The following CWC27 variants were observed in gnomAD, a reference collection of about 807,000 sequenced individuals.
CWC27 encodes spliceosome-associated protein CWC27 homolog.
In CWC27, 47 loss-of-function variants were observed where a neutral mutation model predicts 63.6. That is an observed-to-expected ratio of 0.74 (90% confidence interval 0.58 to 0.94). The LOEUF is 0.94. CWC27 is among the 40% of genes least tolerant of loss of function. The pLI, the probability that CWC27 is intolerant of heterozygous loss-of-function variation, is 0.00. For synonymous variants in CWC27, 175 were observed against 179.8 expected, an observed-to-expected ratio of 0.97 and a Z score of 0.22; for missense variants, 495 against 554.3, an observed-to-expected ratio of 0.89 and a Z score of 1.07.
chr5:64,840,036 C>A (rs1301374198), intron 10 of CWC27, among the ~76,000 whole-genome samples: 3 of 152,008 alleles, frequency 2.0e-5, no homozygotes, highest in Non-Finnish European at 4.4e-5. Context: ...GAAACTAGTG[C>A]ATATAGGCTC....
rs116160851 is a variant in CWC27, at chr5:64,921,706, T to C, written c.1042+36160T>C. ...GGATTTGATCCTCTCATCATGTTGT[T>C]ACCTGTGTGTTATGTAGACTTGATT... is the stretch of plus-strand genomic sequence containing the variant. On this transcript the variant is annotated intron_variant, in intron 11 of 13. Coordinates refer to ENST00000381070, the MANE Select transcript of CWC27 (RefSeq NM_005869.4). 3.8e-3 allele frequency among the ~76,000 whole-genome samples: 581 copies of C among 152,292 alleles called. 2 individuals carry two copies. The highest frequency in any genetic ancestry group is 0.012 in the African/African-American group (501 of 41,552).
chr5:64,832,205 G>A (rs1745541690), intron 10 of CWC27, among the ~76,000 whole-genome samples: 2 of 151,840 alleles, frequency 1.3e-5, no homozygotes, highest in Non-Finnish European at 2.9e-5. Flanking sequence ...CATGTGGAAA[G>A]CATTGATCCA....
intron 11 of CWC27, among the ~76,000 whole-genome samples, chr5:64,913,109 G>A (rs1362595584): frequency 6.6e-6 from 1 of 152,074 alleles, no homozygotes; most frequent in Non-Finnish European, 1.5e-5. Flanking sequence ...AATCAAAATA[G>A]ATCAATGTAA....
At chr5:64,939,853 G>T (rs549895555) in intron 11 of CWC27, among the ~76,000 whole-genome samples, 1 of 152,192 alleles carries the variant, frequency 6.6e-6, no homozygotes, top group African/African-American at 2.4e-5. Flanking sequence ...TGGCTACAGC[G>T]GCTTTGCCAA....
chr5:64,879,829 T>A (rs1157708646), intron 10 of CWC27, among the ~76,000 whole-genome samples: 2 of 151,834 alleles, frequency 1.3e-5, no homozygotes, highest in East Asian at 3.9e-4. Flanking sequence ...GTGAAAAAAT[T>A]GAGGGAAAAT....
chr5:64,911,051 G>A (rs1334312563), intron 11 of CWC27, among the ~76,000 whole-genome samples: 1 of 152,176 alleles, frequency 6.6e-6, no homozygotes, highest in Non-Finnish European at 1.5e-5. Flanking sequence ...GCTGGGAGAT[G>A]CAGACCAGAG....
intron 9 of CWC27, among the ~76,000 whole-genome samples, chr5:64,802,712 G>A (rs1203207891): frequency 1.3e-5 from 2 of 152,104 alleles, no homozygotes; most frequent in African/African-American, 4.8e-5. Flanking sequence ...CTTGTTAGAT[G>A]GGTGCAAAAG....
intron 11 of CWC27, among the ~76,000 whole-genome samples, chr5:64,956,235 T>C (rs1748800848): frequency 6.6e-6 from 1 of 152,192 alleles, no homozygotes; most frequent in Non-Finnish European, 1.5e-5. Flanking sequence ...CTATGAATTA[T>C]TTTTGGCAGT....
intron 11 of CWC27, among the ~76,000 whole-genome samples, chr5:64,933,495 C>CTT (rs763750959): frequency 2.7e-4 from 37 of 138,512 alleles, no homozygotes; most frequent in Non-Finnish European, 3.3e-4. Context: ...TTTTCTTTCT[C>CTT]TTTTTTTTTT....
intron 5 of CWC27, 80 bp downstream of exon 5, chr5:64,785,659 G>A: frequency 6.9e-6 from 6 of 875,392 alleles, no homozygotes; most frequent in South Asian, 6.2e-5. Context: ...TTAAACTATT[G>A]GATTAAGGCT....
intron 11 of CWC27, among the ~76,000 whole-genome samples, chr5:64,927,857 T>G (rs947214565): frequency 2.6e-5 from 4 of 152,176 alleles, no homozygotes; most frequent in Admixed American, 1.3e-4. Context: ...AATTGTTCTT[T>G]TAAAAGTCAG....
At chr5:64,926,992 A>C (rs905191942) in intron 11 of CWC27, among the ~76,000 whole-genome samples, 8 of 152,236 alleles carry the variant, frequency 5.3e-5, no homozygotes, top group Admixed American at 4.6e-4. Flanking sequence ...GTTTAAAATA[A>C]TGCATTTAAT....
Position 64,774,608 on chromosome 5 carries a change from A to C in CWC27, c.43-83A>C, listed in dbSNP as rs1580576242. On this transcript the variant is annotated intron_variant, in intron 1 of 13. Coordinates refer to ENST00000381070, the MANE Select transcript of CWC27 (RefSeq NM_005869.4). ...TTTCTTTTAAAATTGAAAACTCACT[A>C]GTGATTGCTACAAGTCAAATAGTTA... is the stretch of plus-strand genomic sequence containing the variant. The C allele has an allele frequency of 4.1e-6, 3 of 737,886 alleles. No individual in the cohort carries two copies. In the East Asian group the frequency reaches 9.3e-5, roughly 23 times the overall value. 45.7% of individuals were successfully genotyped at this position (737,886 alleles called of 1,614,324 possible). A position where few individuals can be genotyped will look rare whatever the true frequency, so the allele number is the denominator to read the frequency against.
At chr5:64,901,675 A>T (rs1199940250) in intron 11 of CWC27, among the ~76,000 whole-genome samples, 1 of 152,138 alleles carries the variant, frequency 6.6e-6, no homozygotes, top group African/African-American at 2.4e-5. Context: ...CTCTTTAATA[A>T]CAACTTCGGC....
intron 11 of CWC27, among the ~76,000 whole-genome samples, chr5:64,893,760 T>G (rs978400306): frequency 1.3e-5 from 2 of 152,210 alleles, no homozygotes; most frequent in African/African-American, 4.8e-5. Flanking sequence ...CACGCCAGAA[T>G]GTAAGTTTGT....
chr5:64,816,846 G>A (rs1745045865), intron 10 of CWC27, among the ~76,000 whole-genome samples: 1 of 152,032 alleles, frequency 6.6e-6, no homozygotes, highest in South Asian at 2.1e-4. Context: ...TTTTGTAGTT[G>A]ATTTTCTTGT....
intron 10 of CWC27, among the ~76,000 whole-genome samples, chr5:64,838,059 G>T (rs1745701407): frequency 1.3e-5 from 2 of 152,140 alleles, no homozygotes; most frequent in Admixed American, 1.3e-4. Flanking sequence ...TACAATTAGT[G>T]TTGGTCATAT....
intron 10 of CWC27, among the ~76,000 whole-genome samples, chr5:64,852,928 T>C (rs2112299320): frequency 6.6e-6 from 1 of 152,332 alleles, no homozygotes; most frequent in South Asian, 2.1e-4. Context: ...TGACTTAGAA[T>C]TGTATGGGTC....
chr5:64,872,873 C>T (rs1472082022), intron 10 of CWC27, among the ~76,000 whole-genome samples: 1 of 152,154 alleles, frequency 6.6e-6, no homozygotes, highest in Admixed American at 6.6e-5. Flanking sequence ...CCCAAACCCC[C>T]ACATTTCCCT....
Sources: allele counts gnomAD v4.1 joint callset (sites outside exome capture counted in the v4.1 genomes callset), GRCh38; gene constraint gnomAD v4.1.1; transcripts MANE v1.5; gene names NCBI Gene and HGNC (gene_info 2026-07-23, HGNC 2026-07-21).